The following NCAM2 variants were observed in gnomAD, a reference collection of about 807,000 sequenced individuals.
The protein encoded by NCAM2 is N-CAM-2.
Under a neutral mutation model 98.1 loss-of-function variants are expected in NCAM2, and 30 were observed. The observed-to-expected ratio is 0.31, with a 90% CI of 0.23 to 0.41. NCAM2 has a LOEUF of 0.41. Among genes scored for constraint, NCAM2 ranks in the 10% least tolerant of loss-of-function variants. The probability of loss-of-function intolerance (pLI) is 1.00; values close to 1 mark genes in which losing one functional copy is unlikely to be tolerated. For missense variants in NCAM2, 867 were observed against 1,005.8 expected (o/e 0.86, Z 1.87); for synonymous variants, 368 against 342.4 (o/e 1.07, Z -0.83).
intron 9 of NCAM2, among the ~76,000 whole-genome samples, chr21:21,385,007 A>G (rs146547946): frequency 2.0e-5 from 3 of 151,966 alleles, no homozygotes; most frequent in African/African-American, 7.2e-5. Context: ...TTGTATTATG[A>G]AAGTTGAAAC....
chr21:21,315,910 G>A (rs894550411), intron 5 of NCAM2, among the ~76,000 whole-genome samples: 4 of 152,170 alleles, frequency 2.6e-5, no homozygotes, highest in East Asian at 1.9e-4. Flanking sequence ...AAGATGTCTC[G>A]AATTAATCCA....
intron 1 of NCAM2, among the ~76,000 whole-genome samples, chr21:21,070,994 T>TAA: frequency 6.6e-6 from 1 of 152,104 alleles, no homozygotes; most frequent in Non-Finnish European, 1.5e-5. Context: ...AAATGGGAAA[T>TAA]AAAGTTTTGA....
chr21:21,141,298 T>C (rs1215377395), intron 1 of NCAM2, among the ~76,000 whole-genome samples: 3 of 152,204 alleles, frequency 2.0e-5, no homozygotes, highest in East Asian at 1.9e-4. Context: ...AGGCACATAT[T>C]TGTTGTCTGG....
chr21:21,071,943 T>C (rs1211268740), intron 1 of NCAM2, among the ~76,000 whole-genome samples: 5 of 148,216 alleles, frequency 3.4e-5, no homozygotes, highest in Admixed American at 6.8e-5. Context: ...GACGGAGTGT[T>C]GCTCTGTTGC....
At chr21:21,340,781 GT>G (rs2147886339) in intron 8 of NCAM2, among the ~76,000 whole-genome samples, 1 of 152,034 alleles carries the variant, frequency 6.6e-6, no homozygotes, top group South Asian at 2.1e-4. Context: ...AGTTTATCTA[GT>G]TTTGAATCTC....
intron 12 of NCAM2, among the ~76,000 whole-genome samples, chr21:21,465,177 C>A (rs193295895): frequency 2.0e-5 from 3 of 152,112 alleles, no homozygotes; most frequent in African/African-American, 7.2e-5. Flanking sequence ...TAATATTTAT[C>A]TGGTATTAAG....
chr21:21,169,106 C>T (rs2068041993), intron 1 of NCAM2, among the ~76,000 whole-genome samples: 1 of 151,952 alleles, frequency 6.6e-6, no homozygotes, highest in African/African-American at 2.4e-5. Context: ...ATCAATGAAA[C>T]CGAGTAGAGA....
At chr21:21,071,339 C>G (rs930031069) in intron 1 of NCAM2, among the ~76,000 whole-genome samples, 4 of 151,992 alleles carry the variant, frequency 2.6e-5, no homozygotes, top group African/African-American at 9.7e-5. Context: ...TAAACATTGG[C>G]GAATTTTATG....
intron 16 of NCAM2, among the ~76,000 whole-genome samples, chr21:21,513,590 TC>T (rs1281988705): frequency 6.6e-6 from 1 of 152,166 alleles, no homozygotes; most frequent in Non-Finnish European, 1.5e-5. Flanking sequence ...TTGGAATTTT[TC>T]AAGAATTGTT....
At chr21:21,097,701 T>G (rs896475115) in intron 1 of NCAM2, among the ~76,000 whole-genome samples, 28 of 151,678 alleles carry the variant, frequency 1.8e-4, no homozygotes, top group African/African-American at 6.5e-4. Context: ...GTCTGCAGCT[T>G]TGTAGGTCCA....
intron 1 of NCAM2, among the ~76,000 whole-genome samples, chr21:21,069,585 G>A (rs1799928967): frequency 1.3e-5 from 2 of 152,044 alleles, no homozygotes; most frequent in African/African-American, 2.4e-5. Flanking sequence ...AACACTTTTC[G>A]ACCTACCCTT....
At chr21:21,410,019 GC>G (rs1486550285) in intron 9 of NCAM2, among the ~76,000 whole-genome samples, 6 of 152,050 alleles carry the variant, frequency 3.9e-5, no homozygotes, top group African/African-American at 1.4e-4. Context: ...TGTAGTCCCA[GC>G]TACTCAGAAG....
At chr21:21,362,003 A>G (rs992131952) in intron 8 of NCAM2, among the ~76,000 whole-genome samples, 2 of 152,176 alleles carry the variant, frequency 1.3e-5, no homozygotes, top group African/African-American at 4.8e-5. Context: ...TCATATTTTT[A>G]GCAAATTTTA....
chr21:21,014,011 T>C lies in NCAM2; in HGVS notation c.55+15393T>C, dbSNP rs150160864. On this transcript the variant is annotated intron_variant, in intron 1 of 17. Transcript: ENST00000400546. ...ATTGTCAGATGATACTATCTAGAAG[T>C]TTCTTAGCTAGAGAAGAGAAGTCAA... 3.3e-4 allele frequency among the ~76,000 whole-genome samples: 51 copies of C among 152,256 alleles called. No homozygotes were observed. The East Asian group carries it at 9.3e-3, about 28-fold the overall frequency.
In NCAM2 at chr21:21,444,576, T is replaced by C. The variant is rs141681058; in HGVS notation, c.1654+12295T>C. Among the ~76,000 whole-genome samples the C allele has an allele frequency of 6.5e-3, 983 of 152,238 alleles. 23 individuals carry two copies. The highest frequency in any genetic ancestry group is 0.049 in the Admixed American group (745 of 15,276). ...GTTTGGTCATGGGAGGGTGTATGTG[T>C]CCAGGAATTTATCCATTTCTTCTAG... On this transcript the variant is annotated intron_variant, in intron 12 of 17. Transcript: ENST00000400546.
intron 15 of NCAM2, among the ~76,000 whole-genome samples, chr21:21,487,670 T>C (rs1203593947): frequency 6.6e-6 from 1 of 152,144 alleles, no homozygotes; most frequent in African/African-American, 2.4e-5. Context: ...GGATATCTCC[T>C]TCTTTCTCCT....
In NCAM2 at chr21:21,189,209, A is replaced by G. The variant is rs145828114; in HGVS notation, c.56-91369A>G. Among the ~76,000 whole-genome samples, 332 of 152,264 alleles carry G rather than the reference A, an allele frequency of 2.2e-3. 5 individuals carry two copies. In the South Asian group the frequency reaches 0.026, roughly 12 times the overall value. ...TTTGAAGCCAAATCAATGGTATTAA[A>G]CCATTCTATTTTTAATGTTTTGTTC... is the stretch of plus-strand genomic sequence containing the variant. On this transcript the variant is annotated intron_variant, in intron 1 of 17. Coordinates refer to ENST00000400546, the MANE Select transcript of NCAM2 (RefSeq NM_004540.5).
chr21:21,177,525 A>G (rs548718789), intron 1 of NCAM2, among the ~76,000 whole-genome samples: 17 of 152,270 alleles, frequency 1.1e-4, no homozygotes, highest in South Asian at 8.3e-4. Flanking sequence ...TAAGTGAATT[A>G]TAGTGTTTTT....
rs181565507 is a variant in NCAM2 at position 21,415,767 on chromosome 21, T to C, written c.1384-2706T>C. On this transcript the variant is annotated intron_variant, in intron 10 of 17. Coordinates refer to ENST00000400546, the MANE Select transcript of NCAM2 (RefSeq NM_004540.5). ...ACTAACCCCTGCCAGCTTCAAACTC[T>C]TCTTCTGCACCTTCCTCACCTCTGT... is the stretch of plus-strand genomic sequence containing the variant. Among the ~76,000 whole-genome samples the C allele has an allele frequency of 9.2e-5, 14 of 152,318 alleles. No individual in the cohort carries two copies. In the East Asian group the frequency reaches 2.5e-3, roughly 27 times the overall value.
Sources: allele counts gnomAD v4.1 joint callset (sites outside exome capture counted in the v4.1 genomes callset), GRCh38; gene constraint gnomAD v4.1.1; transcripts MANE v1.5; gene names NCBI Gene and HGNC (gene_info 2026-07-23, HGNC 2026-07-21).